ARFGEF1: variants seen among roughly 807,000 people sequenced by gnomAD.
The protein encoded by ARFGEF1 is brefeldin A-inhibited guanine nucleotide-exchange protein 1.
In ARFGEF1, 42 loss-of-function variants were observed where a neutral mutation model predicts 231.0. The observed-to-expected ratio is 0.18, with a 90% CI of 0.14 to 0.24. ARFGEF1 has a LOEUF of 0.24. Ranked by LOEUF, ARFGEF1 falls within the 10% of genes least tolerant of loss-of-function variation. The pLI, the probability that ARFGEF1 is intolerant of heterozygous loss-of-function variation, is 1.00. For missense variants in ARFGEF1, 1,345 were observed against 2,192.0 expected (o/e 0.61, Z 7.72); for synonymous variants, 710 against 732.3 (o/e 0.97, Z 0.49).
chr8:67,271,045 G>GAAAAA (rs1563878469), intron 10 of ARFGEF1, among the ~76,000 whole-genome samples: 44 of 69,520 alleles, frequency 6.3e-4, no homozygotes, highest in African/African-American at 1.0e-3. Flanking sequence ...AAAAAAAAAG[G>GAAAAA]AAAAAGAAAA....
At chr8:67,240,083 A>C in intron 20 of ARFGEF1, 79 bp downstream of exon 20, 1 of 1,537,112 alleles carries the variant, frequency 6.5e-7, no homozygotes, top group Non-Finnish European at 8.8e-7. Context: ...CACATAAACA[A>C]TTATTGTAAT....
chr8:67,281,215 C>T (rs1319393330), intron 7 of ARFGEF1, among the ~76,000 whole-genome samples: 2 of 151,814 alleles, frequency 1.3e-5, no homozygotes, highest in African/African-American at 4.8e-5. Flanking sequence ...ACTGCAATAG[C>T]AATCAAGGAC....
chr8:67,277,160 C>T (rs1805347778), intron 8 of ARFGEF1, 122 bp downstream of exon 8: 8 of 1,007,110 alleles, frequency 7.9e-6, no homozygotes, highest in Non-Finnish European at 1.1e-5. Context: ...TTTCTTATTT[C>T]CCCAAACTAA....
intron 1 of ARFGEF1, among the ~76,000 whole-genome samples, chr8:67,310,616 G>A (rs1410570539): frequency 3.3e-5 from 5 of 151,456 alleles, no homozygotes; most frequent in Admixed American, 1.3e-4. Flanking sequence ...AGTGAGGAGC[G>A]CCTCTTCCCG....
chr8:67,277,134 G>GA (rs1040586011), intron 8 of ARFGEF1, 148 bp downstream of exon 8: 81 of 786,870 alleles, frequency 1.0e-4, no homozygotes, highest in Middle Eastern at 2.6e-4. Context: ...ATAAATGAAG[G>GA]AAAAAAAACC....
At chr8:67,276,318 A>T (rs1805311821) in intron 8 of ARFGEF1, among the ~76,000 whole-genome samples, 7 of 152,126 alleles carry the variant, frequency 4.6e-5, no homozygotes, top group Admixed American at 4.6e-4. Flanking sequence ...AATGCACTTT[A>T]AAAATATTCC....
At chr8:67,318,554 C>T (rs769199679) in intron 1 of ARFGEF1, among the ~76,000 whole-genome samples, 14 of 151,868 alleles carry the variant, frequency 9.2e-5, no homozygotes, top group Middle Eastern at 3.4e-3. Context: ...GTAAAAAATC[C>T]CAAGAAATCT....
chr8:67,229,977 G>C (rs759086546), intron 23 of ARFGEF1, among the ~76,000 whole-genome samples: 50 of 152,216 alleles, frequency 3.3e-4, no homozygotes, highest in Non-Finnish European at 6.8e-4. Flanking sequence ...GAGAACAAAG[G>C]CAACAGGAGA....
chr8:67,304,180 T>C (rs1806632680), intron 1 of ARFGEF1, among the ~76,000 whole-genome samples: 2 of 152,244 alleles, frequency 1.3e-5, no homozygotes, highest in Non-Finnish European at 2.9e-5. Context: ...TACCAGATAC[T>C]GTATTAAACC....
At chr8:67,319,395 G>T (rs906662934) in intron 1 of ARFGEF1, among the ~76,000 whole-genome samples, 2 of 151,558 alleles carry the variant, frequency 1.3e-5, no homozygotes, top group Non-Finnish European at 2.9e-5. Context: ...TCCAGACACA[G>T]ACCCACAGAA....
chr8:67,249,980 C>G lies in ARFGEF1; in HGVS notation c.2850+1319G>C, dbSNP rs192020389. 2.8e-4 allele frequency among the ~76,000 whole-genome samples: 42 copies of G among 152,284 alleles called. 1 individual carries two copies. Among genetic ancestry groups the G allele is most frequent in the African/African-American group, 1.0e-3 (42 of 41,564 alleles). On this transcript the variant is annotated intron_variant, in intron 19 of 38. Transcript: ENST00000262215. ...GCAAAGAAGGAAAGAACATTCTAGA[C>G]AAAGGACATACCTCATATGAATGCC...
intron 1 of ARFGEF1, among the ~76,000 whole-genome samples, chr8:67,311,131 C>T (rs1304800009): frequency 1.4e-5 from 2 of 147,942 alleles, no homozygotes; most frequent in African/African-American, 5.0e-5. Context: ...GCCCCGCGAC[C>T]GGCCAGCTGC....
chr8:67,343,733 TG>T lies in ARFGEF1; in HGVS notation c.-447del, dbSNP rs1808769067. The T allele has an allele frequency of 2.2e-6, 1 of 453,764 alleles. No homozygotes were observed. Among genetic ancestry groups the T allele is most frequent in the Non-Finnish European group, 2.9e-6 (1 of 342,898 alleles). The allele number at this position is 453,764 out of a possible 1,614,324, so 28.1% of individuals were successfully genotyped here. ...ATTAGCACCCGCCGCGGCCGCGAAC[TG>T]GCCCCCATCACCGCCGACCTGCCCC... On this transcript the variant is annotated 5_prime_UTR_variant, in exon 1 of 39. An upstream open reading frame in the 5' UTR gains an earlier in-frame stop. Coordinates refer to ENST00000262215, the MANE Select transcript of ARFGEF1 (RefSeq NM_006421.5).
intron 7 of ARFGEF1, 35 bp from the exon 8 acceptor site, chr8:67,277,492 T>C: frequency 1.3e-6 from 2 of 1,584,916 alleles, no homozygotes; most frequent in Non-Finnish European, 8.6e-7. Flanking sequence ...TGCAAATATA[T>C]CTGACTTAAC....
intron 8 of ARFGEF1, 38 bp from the exon 9 acceptor site, chr8:67,276,147 T>C (rs752527285): frequency 1.4e-5 from 23 of 1,608,034 alleles, no homozygotes. Flanking sequence ...TTTAGAGATA[T>C]TTGCCAGTGT....
intron 10 of ARFGEF1, among the ~76,000 whole-genome samples, chr8:67,269,712 A>AT (rs1804996363): frequency 6.6e-6 from 1 of 152,046 alleles, no homozygotes; most frequent in South Asian, 2.1e-4. Flanking sequence ...TATTTATCTC[A>AT]TTTTACCCTC....
At chr8:67,317,878 G>A in intron 1 of ARFGEF1, among the ~76,000 whole-genome samples, 3 of 136,578 alleles carry the variant, frequency 2.2e-5, no homozygotes, top group African/African-American at 5.6e-5. Flanking sequence ...CAGCCTGGGT[G>A]ACAGAGCAAG....
At chr8:67,320,566 T>C (rs375952209) in intron 1 of ARFGEF1, among the ~76,000 whole-genome samples, 3 of 152,236 alleles carry the variant, frequency 2.0e-5, no homozygotes, top group South Asian at 4.1e-4. Context: ...TGAATATTTA[T>C]AGCAGCTCTA....
At chr8:67,310,709 G>T (rs191877611) in intron 1 of ARFGEF1, among the ~76,000 whole-genome samples, 2 of 147,684 alleles carry the variant, frequency 1.4e-5, no homozygotes, top group East Asian at 4.2e-4. Context: ...CTGCCCCGCC[G>T]CCCAATCTGG....
Sources: gnomAD v4.1 joint callset for allele counts (sites outside exome capture counted in the v4.1 genomes callset) on GRCh38, gnomAD v4.1.1 for gene constraint, MANE v1.5 for transcripts, NCBI Gene and HGNC (gene_info 2026-07-23, HGNC 2026-07-21) for gene names.